The following GAREM2 variants were observed in gnomAD, a reference collection of about 807,000 sequenced individuals.
GAREM2 encodes the protein GRB2 associated regulator of MAPK1 subtype 2, also known as GRB2-associated and regulator of MAPK protein 2.
In GAREM2, 30 loss-of-function variants were observed where a neutral mutation model predicts 55.6. The observed-to-expected ratio is 0.54, with a 90% CI of 0.40 to 0.73. The LOEUF (loss-of-function observed/expected upper bound fraction) is 0.73, where lower values mean the gene tolerates loss of function less well. Among genes scored for constraint, GAREM2 ranks in the 30% least tolerant of loss-of-function variants. The probability of loss-of-function intolerance (pLI) is 0.00; values close to 1 mark genes in which losing one functional copy is unlikely to be tolerated. For synonymous variants in GAREM2, 550 were observed against 569.1 expected (o/e 0.97, Z 0.48); for missense variants, 1,075 against 1,257.7 (o/e 0.85, Z 2.20).
At chr2:26,197,241 ACC>A in the GAREM2 span, among the ~76,000 whole-genome samples, 3 of 152,044 alleles carry the variant, frequency 2.0e-5, no homozygotes, top group African/African-American at 7.2e-5. Context: ...GTGCTTCTAT[ACC>A]CAGCCCTTTC....
downstream of GAREM2, chr2:26,194,649 A>G: frequency 6.3e-7 from 1 of 1,586,706 alleles, no homozygotes; most frequent in Non-Finnish European, 8.7e-7. Flanking sequence ...CTGCCAAGGA[A>G]GAGAACATGA....
At chr2:26,196,176 TTAG>T in the GAREM2 span, among the ~76,000 whole-genome samples, 1 of 152,142 alleles carries the variant, frequency 6.6e-6, no homozygotes, top group Non-Finnish European at 1.5e-5. Context: ...TATCAAGAGG[TTAG>T]TAGTACAGAG....
At position 26,187,765 on chromosome 2, in the gene GAREM2, T is replaced by C; in HGVS notation, c.2133T>C (p.Ser711=). ...FDPFELGQGS[S]PEPELLRSQE... ...CCTTTGAGCTGGGGCAGGGCAGTTC[T>C]CCAGAGCCTGAGCTGCTGCGTTCTC... The change falls in exon 6 of 6, where the codon TCT becomes TCC. Residue 711 remains serine (S), a synonymous_variant. Transcript: ENST00000401533. The C allele has an allele frequency of 6.9e-7, 1 of 1,447,818 alleles. No homozygotes were observed. Among genetic ancestry groups the C allele is most frequent in the Non-Finnish European group, 9.1e-7 (1 of 1,095,266 alleles). The allele number at this position is 1,447,818 out of a possible 1,614,324, so 89.7% of individuals were successfully genotyped here.
rs180805443 is a variant in GAREM2 at position 26,187,197 on chromosome 2, T to C, written c.1599-34T>C. On this transcript the variant is annotated intron_variant, in intron 5 of 5. Transcript: ENST00000401533. ...TATCGGATTCCCTCTCAGCCTCACC[T>C]GTCCTATGTGTGTGTGTCTGTCTCT... is the stretch of plus-strand genomic sequence containing the variant. The C allele has an allele frequency of 2.9e-5, 42 of 1,425,942 alleles. No individual in the cohort carries two copies. In the East Asian group the frequency reaches 1.0e-3, roughly 36 times the overall value. 88.3% of individuals were successfully genotyped at this position (1,425,942 alleles called of 1,614,324 possible).
rs1669299802 is a variant in GAREM2, at chr2:26,187,275, A to C, written c.1643A>C (p.Tyr548Ser). The change falls in exon 6 of 6, where the codon TAC (tyrosine) becomes TCC (serine). Residue 548 changes from tyrosine (Y) to serine (S), a missense_variant. Tyr to Ser is a moderately radical substitution (Grantham distance 144). Around this residue, in one of 6 missense-constraint regions of GAREM2, gnomAD observed 515 missense variants for 501.5 expected, o/e 1.03. Transcript: ENST00000401533. ...AGTGGCTCCCCATCGCCGGACACCT[A>C]CTCCCTCTATTGCTACCCATGCACC... Reference protein sequence around the residue: ...SGSGSPSPDTYSLYCYPCTWG... With the variant: ...SGSGSPSPDTSSLYCYPCTWG... The C allele has an allele frequency of 6.8e-7, 1 of 1,464,022 alleles. No homozygotes were observed. The highest frequency in any genetic ancestry group is 9.1e-7 in the Non-Finnish European group (1 of 1,103,354). The allele number at this position is 1,464,022 out of a possible 1,614,324, so 90.7% of individuals were successfully genotyped here.
At chr2:26,176,660 G>A (rs1263751603) in intron 2 of GAREM2, among the ~76,000 whole-genome samples, 176 bp downstream of exon 2, 1 of 152,136 alleles carries the variant, frequency 6.6e-6, no homozygotes, top group Non-Finnish European at 1.5e-5. Flanking sequence ...CTGGAGAGGT[G>A]GCTCACAGGT....
chr2:26,197,539 G>A, the GAREM2 span: 1 of 683,476 alleles, frequency 1.5e-6, no homozygotes, highest in Non-Finnish European at 2.7e-6. Flanking sequence ...TCTCACACTA[G>A]TCATGGTATT....
At chr2:26,176,301 T>C in intron 1 of GAREM2, 43 bp from the exon 2 acceptor site, 2 of 1,478,576 alleles carry the variant, frequency 1.4e-6, no homozygotes, top group Non-Finnish European at 1.8e-6. Flanking sequence ...TCTAATGTCC[T>C]GTCTTCCTTC....
At position 26,187,545 on chromosome 2, in the gene GAREM2, A is replaced by G. The variant is rs1196681211; in HGVS notation, c.1913A>G (p.Tyr638Cys). The change falls in exon 6 of 6, where the codon TAC becomes TGC. Residue 638 changes from tyrosine to cysteine, a missense_variant. Around this residue, in one of 6 missense-constraint regions of GAREM2, gnomAD observed 515 missense variants for 501.5 expected, o/e 1.03. Transcript: ENST00000401533. ...CTCAACCCTTTTTCCGGGCCTGCCT[A>G]CCCCTCAGGCCCTTCAGCGGCCTTG... ...GALNPFSGPA[Y>C]PSGPSAALSS... 2 of 1,537,116 alleles carry G rather than the reference A, an allele frequency of 1.3e-6. No homozygotes were observed.
rs930263 is a variant in GAREM2 at position 26,179,725 on chromosome 2, G to C, written c.253+3241G>C. ...GGTCCAGAGCATCACTCCCTGGAGG[G>C]CTCCCTTCCTTCCTCCCGCAGTAAT... On this transcript the variant is annotated intron_variant, in intron 2 of 5. Transcript: ENST00000401533. This position sits in a 1 kb window ranked among gnomAD's most constrained non-coding sequence, Gnocchi z 4.7. Among the ~76,000 whole-genome samples, 117,163 of 151,976 alleles carry C rather than the reference G, an allele frequency of 0.77. 45,167 individuals carry two copies. The highest frequency in any genetic ancestry group is 0.86 in the East Asian group (4,424 of 5,156).
At chr2:26,191,192 A>C (rs977074807), downstream of GAREM2, 378 of 1,544,516 alleles carry the variant, frequency 2.4e-4, no homozygotes, top group Non-Finnish European at 3.1e-4. Flanking sequence ...TCTGTTGGAG[A>C]ACCAGCACTG....
At position 26,179,354 on chromosome 2, in the gene GAREM2, G is replaced by A. The variant is rs1482601588; in HGVS notation, c.253+2870G>A. ...ACAGACGGGAAATCCGAAGCCCAGA[G>A]AGATTAAATAATTTGCCCAAGGTCA... On this transcript the variant is annotated intron_variant, in intron 2 of 5. Coordinates refer to ENST00000401533, the MANE Select transcript of GAREM2 (RefSeq NM_001168241.2). This position sits in a 1 kb window ranked among gnomAD's most constrained non-coding sequence, Gnocchi z 4.7. 6.6e-6 allele frequency among the ~76,000 whole-genome samples: 1 copy of A among 152,246 alleles called. No individual in the cohort carries two copies. The highest frequency in any genetic ancestry group is 1.5e-5 in the Non-Finnish European group (1 of 68,044).
At chr2:26,204,004 C>A in the GAREM2 span, 1 of 1,576,536 alleles carries the variant, frequency 6.3e-7, no homozygotes, top group Non-Finnish European at 8.7e-7. Flanking sequence ...CCACAAAAAA[C>A]AACTAACCAA....
At chr2:26,194,950 G>A in the GAREM2 span, 65 of 813,258 alleles carry the variant, frequency 8.0e-5, no homozygotes, top group East Asian at 1.2e-3. Context: ...CAATACCACC[G>A]TCCATCCTGG....
Position 26,187,282 on chromosome 2 carries a change from C to A in GAREM2, c.1650C>A (p.Leu550=). The A allele has an allele frequency of 6.8e-7, 1 of 1,478,818 alleles. No individual in the cohort carries two copies. 91.6% of individuals were successfully genotyped at this position (1,478,818 alleles called of 1,614,324 possible). A position where few individuals can be genotyped will look rare whatever the true frequency, so the allele number is the denominator to read the frequency against. Residue 550 remains leucine (L), a synonymous_variant, in exon 6 of 6, where the codon CTC becomes CTA. Transcript: ENST00000401533. ...SGSPSPDTYS[L]YCYPCTWGDC... is the part of the protein sequence containing the mutation. Reference sequence around the variant, plus strand: ...CCCCATCGCCGGACACCTACTCCCTCTATTGCTACCCATGCACCTGGGGAG... The same window carrying A: ...CCCCATCGCCGGACACCTACTCCCTATATTGCTACCCATGCACCTGGGGAG...
chr2:26,178,738 G>T (rs1250782765), intron 2 of GAREM2, among the ~76,000 whole-genome samples: 1 of 152,108 alleles, frequency 6.6e-6, no homozygotes, highest in Non-Finnish European at 1.5e-5. Context: ...CCGTGGGTCC[G>T]GGGGCTCCTA....
At position 26,187,621 on chromosome 2, in the gene GAREM2, G is replaced by A. The variant is rs952290413; in HGVS notation, c.1989G>A (p.Ala663=). 1.1e-5 allele frequency: 17 copies of A among 1,548,936 alleles called. No homozygotes were observed. Among genetic ancestry groups the A allele is most frequent in the Middle Eastern group, 1.7e-4 (1 of 6,000 alleles). Reference sequence around the variant, plus strand: ...GTCCTGTGGCTACCTCTGGCCCTGCGTATTCCCCAGGCCCAGCCTCGCCAG... The same window carrying A: ...GTCCTGTGGCTACCTCTGGCCCTGCATATTCCCCAGGCCCAGCCTCGCCAG... ...TSGPVATSGP[A]YSPGPASPGQ... Residue 663 remains alanine, a synonymous_variant, in exon 6 of 6, where the codon GCG becomes GCA. Coordinates refer to ENST00000401533, the MANE Select transcript of GAREM2 (RefSeq NM_001168241.2).
chr2:26,193,214 T>C (rs1333741800), downstream of GAREM2, among the ~76,000 whole-genome samples: 2 of 151,972 alleles, frequency 1.3e-5, no homozygotes, highest in East Asian at 1.9e-4. Context: ...GACCAGGTGA[T>C]GCTAGAGCCC....
rs114510024 is a variant in GAREM2 at position 26,178,901 on chromosome 2, C to A, written c.253+2417C>A. Among the ~76,000 whole-genome samples the A allele has an allele frequency of 1.5e-4, 6 of 40,962 alleles. No homozygotes were observed. The South Asian group carries it at 2.5e-3, about 17-fold the overall frequency. The allele number at this position is 40,962 out of a possible 152,430, so 26.9% of individuals were successfully genotyped here. A position where few individuals can be genotyped will look rare whatever the true frequency, so the allele number is the denominator to read the frequency against. On this transcript the variant is annotated intron_variant, in intron 2 of 5. Transcript: ENST00000401533. ...GGGGGAGGGGAGGAGGAGGCGGAGG[C>A]GGAGGCAGAGGCCCCTAGGAGGGCG...
Sources: gnomAD v4.1 joint callset for allele counts (sites outside exome capture counted in the v4.1 genomes callset) on GRCh38, gnomAD v4.1.1 for gene constraint, gnomAD v4.1.1 regional missense constraint, Gnocchi (gnomAD v3.1) non-coding constraint, MANE v1.5 for transcripts, NCBI Gene and HGNC (gene_info 2026-07-23, HGNC 2026-07-21) for gene names.